Variants in LIPJ observed in about 807,000 individuals in gnomAD.
LIPJ encodes the protein lipase family member J, also known as lipase member J.
In LIPJ, 33 loss-of-function variants were observed where a neutral mutation model predicts 39.8. The observed-to-expected ratio is 0.83, with a 90% CI of 0.63 to 1.11. The LOEUF is 1.11. LIPJ is among the 50% of genes least tolerant of loss of function. The pLI, the probability that LIPJ is intolerant of heterozygous loss-of-function variation, is 0.00. For synonymous variants in LIPJ, 128 were observed against 139.2 expected (o/e 0.92, Z 0.57); for missense variants, 422 against 427.9 (o/e 0.99, Z 0.12).
intron 9 of LIPJ, among the ~76,000 whole-genome samples, chr10:88,603,362 A>T (rs758227601): frequency 6.6e-6 from 1 of 152,022 alleles, no homozygotes; most frequent in Non-Finnish European, 1.5e-5. Flanking sequence ...TAAATTGTCA[A>T]CTCCTGAGAA....
downstream of LIPJ, among the ~76,000 whole-genome samples, chr10:88,607,978 T>C (rs113073927): frequency 2.3e-3 from 349 of 152,350 alleles, 1 homozygote; most frequent in African/African-American, 7.4e-3. Flanking sequence ...ACAGTAAATA[T>C]TGGAGAAAAA....
intron 1 of LIPJ, 158 bp downstream of exon 1, chr10:88,587,003 T>C (rs900466259): frequency 6.6e-5 from 10 of 152,186 alleles, no homozygotes; most frequent in Admixed American, 4.6e-4. Flanking sequence ...TCACTACTTG[T>C]TGCTGTTATT....
downstream of LIPJ, among the ~76,000 whole-genome samples, chr10:88,610,623 C>T (rs546367070): frequency 4.9e-4 from 74 of 152,144 alleles, no homozygotes; most frequent in African/African-American, 1.7e-3. Context: ...ATTTACACTA[C>T]CTAATTGCAA....
At chr10:88,613,800 A>ATATATATATATATATATGTGTGTGTG in the LIPJ span, among the ~76,000 whole-genome samples, 1 of 74,156 alleles carries the variant, frequency 1.3e-5, no homozygotes, top group African/African-American at 4.8e-5. Flanking sequence ...ATATATATAT[A>ATATATATATATATATATGTGTGTGTG]TGTGTGTGTG....
chr10:88,622,337 A>G, the LIPJ span, among the ~76,000 whole-genome samples: 1 of 152,134 alleles, frequency 6.6e-6, no homozygotes, highest in Non-Finnish European at 1.5e-5. Context: ...TCAGCAAATC[A>G]GTTAGTAAGA....
upstream of LIPJ, chr10:88,583,451 C>A: frequency 7.5e-7 from 1 of 1,326,602 alleles, no homozygotes; most frequent in Non-Finnish European, 9.7e-7. Context: ...GGGGGCCGGG[C>A]GCCCTGCCCC....
At chr10:88,604,204 A>G (rs73346760) in intron 9 of LIPJ, among the ~76,000 whole-genome samples, 2,781 of 152,326 alleles carry the variant, frequency 0.018, 45 homozygotes, top group Middle Eastern at 0.054. Context: ...AGGTTAGGCC[A>G]GGCTTCAGTG....
chr10:88,583,457 G>A, upstream of LIPJ: 3 of 1,317,998 alleles, frequency 2.3e-6, no homozygotes, highest in Non-Finnish European at 2.9e-6. Flanking sequence ...CGGGCGCCCT[G>A]CCCCTCGCCC....
chr10:88,622,604 GA>G, the LIPJ span, among the ~76,000 whole-genome samples: 1 of 152,140 alleles, frequency 6.6e-6, no homozygotes, highest in Non-Finnish European at 1.5e-5. Flanking sequence ...ACCAGACTTT[GA>G]AAAGGCTTAA....
chr10:88,606,750 C>T, exon 11 of LIPJ: 1 of 1,613,466 alleles, frequency 6.2e-7, no homozygotes, highest in South Asian at 1.1e-5. Flanking sequence ...GACTTGTTGG[C>T]TGACCCTGAA....
exon 4 of LIPJ, chr10:88,591,417 T>A (rs1175251933): frequency 2.1e-5 from 34 of 1,603,840 alleles, no homozygotes; most frequent in Non-Finnish European, 2.8e-5. Context: ...TGATGAAGAA[T>A]ATGATATTGT....
At chr10:88,599,895 T>C (rs1013650690) in intron 8 of LIPJ, among the ~76,000 whole-genome samples, 5 of 151,846 alleles carry the variant, frequency 3.3e-5, no homozygotes, top group Non-Finnish European at 2.9e-5. Context: ...TATTTTTATA[T>C]AATTATTAAG....
intron 9 of LIPJ, among the ~76,000 whole-genome samples, chr10:88,604,152 G>C (rs1210391661): frequency 5.9e-5 from 9 of 152,206 alleles, no homozygotes; most frequent in Admixed American, 5.9e-4. Flanking sequence ...TAGGGAAAAG[G>C]TATTAGGCAT....
chr10:88,622,285 C>T, the LIPJ span, among the ~76,000 whole-genome samples: 4 of 152,180 alleles, frequency 2.6e-5, no homozygotes, highest in Non-Finnish European at 4.4e-5. Context: ...CTTCTTTATC[C>T]TTCTCCCTTG....
At chr10:88,583,816 G>A, upstream of LIPJ, 1 of 688,654 alleles carries the variant, frequency 1.5e-6, no homozygotes, top group Non-Finnish European at 1.8e-6. Flanking sequence ...TTTCAAACTT[G>A]TAAAGATTAA....
At chr10:88,598,913 AT>A (rs1164402071) in intron 8 of LIPJ, among the ~76,000 whole-genome samples, 2 of 146,258 alleles carry the variant, frequency 1.4e-5, no homozygotes, top group East Asian at 3.9e-4. Context: ...AATTTATATA[AT>A]TTAATTATAT....
At chr10:88,593,795 C>G in intron 4 of LIPJ, 151 bp from the exon 5 acceptor site, 1 of 619,014 alleles carries the variant, frequency 1.6e-6, no homozygotes, top group Non-Finnish European at 2.8e-6. Flanking sequence ...TGTCATACAA[C>G]GGGATTAAAT....
the LIPJ span, among the ~76,000 whole-genome samples, chr10:88,613,800 A>ATATATATATATATATATATGTGTGTGTG: frequency 1.3e-5 from 1 of 74,154 alleles, no homozygotes; most frequent in Non-Finnish European, 2.6e-5. Context: ...ATATATATAT[A>ATATATATATATATATATATGTGTGTGTG]TGTGTGTGTG....
chr10:88,585,766 T>C (rs1046867366), upstream of LIPJ: 3 of 152,192 alleles, frequency 2.0e-5, no homozygotes, highest in Non-Finnish European at 4.4e-5. Context: ...ATTATTACCG[T>C]AGCTTTCTAA....
Sources: allele counts gnomAD v4.1 joint callset (sites outside exome capture counted in the v4.1 genomes callset), GRCh38; gene constraint gnomAD v4.1.1; transcripts MANE v1.5; gene names NCBI Gene and HGNC (gene_info 2026-07-23, HGNC 2026-07-21).